PRR12: variants seen among roughly 807,000 people sequenced by gnomAD.
PRR12 encodes the protein proline rich 12, also known as proline-rich protein 12.
A neutral mutation model predicts 138.0 loss-of-function variants in PRR12; 12 were observed. That is an observed-to-expected ratio of 0.09 (90% CI 0.06 to 0.14). The LOEUF (loss-of-function observed/expected upper bound fraction) is 0.14. Ranked by LOEUF, PRR12 falls within the 10% of genes least tolerant of loss-of-function variation. The pLI is 1.00. For missense variants in PRR12, 2,692 were observed against 2,861.3 expected (o/e 0.94, Z 1.35); for synonymous variants, 1,567 against 1,291.7 (o/e 1.21, Z -4.57).
chr19:49,621,704 G>A, intron 11 of PRR12, 82 bp downstream of exon 11: 2 of 1,160,212 alleles, frequency 1.7e-6, no homozygotes, highest in Non-Finnish European at 2.5e-6. Context: ...GCTGTTGGCG[G>A]GGGTGATCCT....
intron 6 of PRR12, among the ~76,000 whole-genome samples, chr19:49,610,725 A>T (rs1364088363): frequency 6.6e-6 from 1 of 151,870 alleles, no homozygotes; most frequent in South Asian, 2.1e-4. Flanking sequence ...GTGTATTTTT[A>T]GTAGAGACGG....
Position 49,591,812 on chromosome 19 carries a change from CCG to C in PRR12, c.86+73_86+74del, listed in dbSNP as rs2080729665. ...CCCAGCCGGGCCGGGCCGGGCCGGG[CCG>C]GGCCCGCCCGGCGACGCGTGCATCG... On this transcript the variant is annotated intron_variant, in intron 1 of 13. Coordinates refer to ENST00000418929, the MANE Select transcript of PRR12 (RefSeq NM_020719.3). 3.2e-6 allele frequency: 3 copies of C among 938,380 alleles called. No homozygotes were observed. The African/African-American group carries it at 5.2e-5, about 16-fold the overall frequency. 58.1% of individuals were successfully genotyped at this position (938,380 alleles called of 1,614,324 possible). A position where few individuals can be genotyped will look rare whatever the true frequency, so the allele number is the denominator to read the frequency against.
chr19:49,599,790 C>T lies in PRR12; in HGVS notation c.4197C>T (p.Ser1399=), dbSNP rs2080799349. The part of the protein sequence containing the change: ...AKNRDLQESI[S]SAISALDDPP... Reference sequence around the variant, plus strand: ...ACCGAGACCTGCAGGAGAGCATCTCCTCCGCCATCTCTGCCCTCGATGACC... The same window carrying T: ...ACCGAGACCTGCAGGAGAGCATCTCTTCCGCCATCTCTGCCCTCGATGACC... The change falls in exon 5 of 14, where the codon TCC becomes TCT. Residue 1399 remains serine (S), a synonymous_variant. Coordinates refer to ENST00000418929, the MANE Select transcript of PRR12 (RefSeq NM_020719.3). The surrounding 1 kb of genome is among the most constrained non-coding windows in gnomAD (Gnocchi z 5.0). 3 of 1,613,534 alleles carry T rather than the reference C, an allele frequency of 1.9e-6. No homozygotes were observed. The highest frequency in any genetic ancestry group is 1.1e-5 in the South Asian group (1 of 91,088).
In PRR12 at chr19:49,594,967, G is replaced by C; in HGVS notation, c.632G>C (p.Gly211Ala). 1 of 1,599,526 alleles carries C rather than the reference G, an allele frequency of 6.3e-7. No homozygotes were observed. The highest frequency in any genetic ancestry group is 1.1e-5 in the South Asian group (1 of 89,270). ...CTGGGCTTCGAGCGCCTGGCAGGGG[G>C]CGGTGTCTTGGGGCCAGCTGGTCTC... ...SSLGFERLAG[G>A]GVLGPAGLGP... is the part of the protein sequence containing the mutation. The change falls in exon 4 of 14, where the codon GGC becomes GCC. Residue 211 changes from glycine to alanine, a missense_variant. By Grantham distance (60) the Gly-to-Ala change is moderately conservative. Transcript: ENST00000418929. The surrounding 1 kb of genome is among the most constrained non-coding windows in gnomAD (Gnocchi z 5.6).
Position 49,603,662 on chromosome 19 carries a change from C to A in PRR12, c.4773+1744C>A, listed in dbSNP as rs868074300. Reference sequence around the variant, plus strand: ...GCAGTGAGCTGAGATTGTGCCACTGCACTCCAACCTGGGCACCAGAGCAAG... The same window carrying A: ...GCAGTGAGCTGAGATTGTGCCACTGAACTCCAACCTGGGCACCAGAGCAAG... On this transcript the variant is annotated intron_variant, in intron 6 of 13. Transcript: ENST00000418929. Among the ~76,000 whole-genome samples, 5 of 152,006 alleles carry A rather than the reference C, an allele frequency of 3.3e-5. 1 individual carries two copies. In the South Asian group the frequency reaches 1.0e-3, roughly 31 times the overall value.
In PRR12 at chr19:49,614,603, C is replaced by T; in HGVS notation, c.4844C>T (p.Thr1615Ile). ...RVQKALLQKFTPEIKDGQRQF... is the reference protein window; with the variant it reads ...RVQKALLQKFIPEIKDGQRQF... ...CAGAAGGCCCTTCTGCAGAAATTCA[C>T]TCCGGAGATCAAGGACGGCCAGAGG... Residue 1615 changes from threonine (T) to isoleucine (I), a missense_variant, in exon 7 of 14, where the codon ACT becomes ATT. Thr to Ile is a moderately conservative substitution (Grantham distance 89, BLOSUM62 -1). Transcript: ENST00000418929. This position sits in a 1 kb window ranked among gnomAD's most constrained non-coding sequence, Gnocchi z 5.0. 1 of 1,565,228 alleles carries T rather than the reference C, an allele frequency of 6.4e-7. No individual in the cohort carries two copies. Among genetic ancestry groups the T allele is most frequent in the Non-Finnish European group, 8.7e-7 (1 of 1,155,074 alleles).
intron 8 of PRR12, 59 bp downstream of exon 8, chr19:49,615,068 G>T (rs2080884457): frequency 6.2e-7 from 1 of 1,603,656 alleles, no homozygotes; most frequent in African/African-American, 1.3e-5. Context: ...GCATGGGGAT[G>T]CGGCATGCAA....
Position 49,596,580 on chromosome 19 carries a change from T to G in PRR12, c.2245T>G (p.Tyr749Asp), listed in dbSNP as rs1215255599. Residue 749 changes from tyrosine (Y) to aspartate (D), a missense_variant, in exon 4 of 14, where the codon TAC (tyrosine) becomes GAC (aspartate). Physicochemically the swap from Tyr to Asp is radical, Grantham distance 160 (BLOSUM62 -3). Coordinates refer to ENST00000418929, the MANE Select transcript of PRR12 (RefSeq NM_020719.3). The surrounding 1 kb of genome is among the most constrained non-coding windows in gnomAD (Gnocchi z 5.6). ...GGGGCTGGCCACCTCTGTTGTCCAC[T>G]ACGGGGCAGGCGCCAAGGAGCTGGG... ...PEGLATSVVH[Y>D]GAGAKELGAF... 4 of 1,597,668 alleles carry G rather than the reference T, an allele frequency of 2.5e-6. No homozygotes were observed. Among genetic ancestry groups the G allele is most frequent in the Non-Finnish European group, 2.6e-6 (3 of 1,172,934 alleles).
At position 49,595,227 on chromosome 19, in the gene PRR12, G is replaced by GGCCCCC; in HGVS notation, c.892_893insGCCCCC (p.Ala298delinsGlyProPro). ...CAAGCACTACCAGCGGCCAGCCAGT[G>GGCCCCC]CCCAGCCCCCACCACCCCCGCCACC... On this transcript the variant is annotated protein_altering_variant, in exon 4 of 14. Coordinates refer to ENST00000418929, the MANE Select transcript of PRR12 (RefSeq NM_020719.3). The GGCCCCC allele has an allele frequency of 4.5e-6, 7 of 1,552,744 alleles. No individual in the cohort carries two copies. The highest frequency in any genetic ancestry group is 6.1e-6 in the Non-Finnish European group (7 of 1,149,482).
In PRR12 at chr19:49,596,841, C is replaced by T; in HGVS notation, c.2506C>T (p.Pro836Ser). 6.3e-7 allele frequency: 1 copy of T among 1,586,272 alleles called. No homozygotes were observed. Among genetic ancestry groups the T allele is most frequent in the Non-Finnish European group, 8.5e-7 (1 of 1,172,100 alleles). ...CACCCGCGATGGGGCACCCCAGCCA[C>T]CTCCACCGCCACCCCCGCCTCCACC... ...PATRDGAPQP[P>S]PPPPPPPPPM... is the part of the protein sequence containing the mutation. The change falls in exon 4 of 14, where the codon CCT (proline) becomes TCT (serine). Residue 836 changes from proline to serine, a missense_variant. This residue lies in a region of PRR12 where 840 missense variants were observed against 689.8 expected (regional missense o/e 1.22). Transcript: ENST00000418929. The surrounding 1 kb of genome is among the most constrained non-coding windows in gnomAD (Gnocchi z 5.6).
At chr19:49,602,772 G>C (rs10413099) in intron 6 of PRR12, among the ~76,000 whole-genome samples, 1 of 152,246 alleles carries the variant, frequency 6.6e-6, no homozygotes, top group South Asian at 2.1e-4. Context: ...GGCTGGTCTC[G>C]AACTCCTGAC....
At position 49,616,040 on chromosome 19, in the gene PRR12, C is replaced by A; in HGVS notation, c.5318C>A (p.Thr1773Lys). 1 of 1,558,060 alleles carries A rather than the reference C, an allele frequency of 6.4e-7. No homozygotes were observed. Among genetic ancestry groups the A allele is most frequent in the Non-Finnish European group, 8.7e-7 (1 of 1,151,416 alleles). ...ACACGGCCAGAGCGGAGTCTCGCCA[C>A]GGGACAACCTGCCACATCCCGGCTG... ...RQTRPERSLA[T>K]GQPATSRLPK... Residue 1773 changes from threonine (T) to lysine (K), a missense_variant, in exon 9 of 14, where the codon ACG (threonine) becomes AAG (lysine). Physicochemically the swap from Thr to Lys is moderately conservative, Grantham distance 78. Transcript: ENST00000418929. The surrounding 1 kb of genome is among the most constrained non-coding windows in gnomAD (Gnocchi z 4.2).
At chr19:49,598,422 A>T (rs1599788575) in intron 4 of PRR12, among the ~76,000 whole-genome samples, 1 of 152,012 alleles carries the variant, frequency 6.6e-6, no homozygotes, top group African/African-American at 2.4e-5. Flanking sequence ...GCACCTTGGC[A>T]TTTTTGGGGC....
rs759445696 is a variant in PRR12 at position 49,625,624 on chromosome 19, G to A, written c.*17G>A. ...TGCGGGTGACCCCGCCCCAGCTTGT[G>A]AGGGGGGCGCCTCCTCCATGAACCG... is the stretch of plus-strand genomic sequence containing the variant. On this transcript the variant is annotated 3_prime_UTR_variant, in exon 14 of 14. Coordinates refer to ENST00000418929, the MANE Select transcript of PRR12 (RefSeq NM_020719.3). The surrounding 1 kb of genome is among the most constrained non-coding windows in gnomAD (Gnocchi z 5.5). 3.2e-6 allele frequency: 5 copies of A among 1,586,366 alleles called. No homozygotes were observed. The Admixed American group carries it at 5.2e-5, about 17-fold the overall frequency.
In PRR12 at chr19:49,593,435, G is replaced by A. The variant is rs774073946; in HGVS notation, c.195G>A (p.Pro65=). 29 of 1,540,932 alleles carry A rather than the reference G, an allele frequency of 1.9e-5. No individual in the cohort carries two copies. Among genetic ancestry groups the A allele is most frequent in the Non-Finnish European group, 2.5e-5 (28 of 1,126,360 alleles). ...PLQSYATNHH[P]AGLSGLFDTG... is the part of the protein sequence containing the mutation. ...AAAGCTATGCCACCAACCACCACCC[G>A]GCAGGTACGGCCCCCATCCCGCCCC... The change falls in exon 2 of 14, where the codon CCG becomes CCA. Residue 65 remains proline (P), a synonymous_variant. Coordinates refer to ENST00000418929, the MANE Select transcript of PRR12 (RefSeq NM_020719.3).
At chr19:49,609,507 A>C (rs771062041) in intron 6 of PRR12, among the ~76,000 whole-genome samples, 1 of 151,322 alleles carries the variant, frequency 6.6e-6, no homozygotes. Context: ...AGGCTGAGGT[A>C]GGAGAATCAC....
rs1298394122 is a variant in PRR12, at chr19:49,591,510, C to T, written c.-145C>T. ...CCCGCCCGGGGCCTTCCCGGGCCTTCGGCGGCTGCAAAGAAAAAAAGAGAG... is the reference window on the plus strand; with the variant it reads ...CCCGCCCGGGGCCTTCCCGGGCCTTTGGCGGCTGCAAAGAAAAAAAGAGAG... On this transcript the variant is annotated 5_prime_UTR_variant, in exon 1 of 14. Coordinates refer to ENST00000418929, the MANE Select transcript of PRR12 (RefSeq NM_020719.3). 11 of 223,916 alleles carry T rather than the reference C, an allele frequency of 4.9e-5. No homozygotes were observed. Among genetic ancestry groups the T allele is most frequent in the African/African-American group, 1.8e-4 (7 of 38,950 alleles). The allele number at this position is 223,916 out of a possible 1,614,324, so 13.9% of individuals were successfully genotyped here.
rs768055634 is a variant in PRR12, at chr19:49,596,933, C to T, written c.2598C>T (p.Pro866=). The T allele has an allele frequency of 7.2e-5, 111 of 1,548,624 alleles. No individual in the cohort carries two copies. The Middle Eastern group carries it at 8.7e-4, about 12-fold the overall frequency. The part of the protein sequence containing the change: ...SHGLEPAAPS[P]RLRPEESLDP... ...GCCTGGAGCCCGCGGCCCCCAGCCC[C>T]CGCCTGCGACCCGAGGAGAGCCTGG... is the stretch of plus-strand genomic sequence containing the variant. Residue 866 remains proline (P), a synonymous_variant, in exon 4 of 14, where the codon CCC becomes CCT. Transcript: ENST00000418929. This position sits in a 1 kb window ranked among gnomAD's most constrained non-coding sequence, Gnocchi z 5.6.
intron 5 of PRR12, among the ~76,000 whole-genome samples, chr19:49,600,603 T>C (rs559839081): frequency 6.6e-5 from 10 of 151,734 alleles, no homozygotes; most frequent in Non-Finnish European, 1.3e-4. Flanking sequence ...CAGTGAGCCA[T>C]GATTGAGCCA....
Sources: allele counts gnomAD v4.1 joint callset (sites outside exome capture counted in the v4.1 genomes callset), GRCh38; gene constraint gnomAD v4.1.1; regional missense constraint gnomAD v4.1.1; non-coding constraint Gnocchi (gnomAD v3.1); transcripts MANE v1.5; gene names NCBI Gene and HGNC (gene_info 2026-07-23, HGNC 2026-07-21).